ZIC1: variants seen among roughly 807,000 people sequenced by gnomAD.
ZIC1 encodes zinc finger protein ZIC 1.
Under a neutral mutation model 30.9 loss-of-function variants are expected in ZIC1, and 4 were observed. The ratio of observed to expected loss-of-function variants is 0.13; its 90% confidence interval spans 0.06 to 0.30. The LOEUF (loss-of-function observed/expected upper bound fraction) is 0.30. Among genes scored for constraint, ZIC1 ranks in the 10% least tolerant of loss-of-function variants. The pLI is 1.00. For missense variants in ZIC1, 441 were observed against 639.3 expected, an observed-to-expected ratio of 0.69 and a Z score of 3.34; for synonymous variants, 305 against 277.5, an observed-to-expected ratio of 1.10 and a Z score of -0.98.
At position 147,409,940 on chromosome 3, in the gene ZIC1, G is replaced by A. The variant is rs1460461735; in HGVS notation, c.-173G>A. 8.7e-6 allele frequency: 6 copies of A among 690,902 alleles called. No homozygotes were observed. The highest frequency in any genetic ancestry group is 1.3e-5 in the Non-Finnish European group (6 of 456,068). 42.8% of individuals were successfully genotyped at this position (690,902 alleles called of 1,614,324 possible). ...GGCCCGGCCAGCGCCCGGGCGCGCC[G>A]CGCCATTGCCTGCAGGCTAGGACTT... On this transcript the variant is annotated 5_prime_UTR_variant, in exon 1 of 3. Coordinates refer to ENST00000282928, the MANE Select transcript of ZIC1 (RefSeq NM_003412.4).
rs566873753 is a variant in ZIC1 at position 147,412,669 on chromosome 3, C to T, written c.1134C>T (p.Arg378=). Residue 378 remains arginine (R), a synonymous_variant, in exon 2 of 3, where the codon CGC becomes CGT. Transcript: ENST00000282928. The stretch of plus-strand genomic sequence containing the variant: ...CCTACACGCATCCCAGTTCGCTGCG[C>T]AAACACATGAAGGTAATCGCCGCAC... ...DKSYTHPSSL[R]KHMKVHESSS... The T allele has an allele frequency of 6.2e-7, 1 of 1,613,282 alleles. No homozygotes were observed. The highest frequency in any genetic ancestry group is 1.3e-5 in the African/African-American group (1 of 74,922).
rs1318260520 is a variant in ZIC1, at chr3:147,410,967, C to G, written c.855C>G (p.Ala285=). ...CGCGCGAGGGCAAGCCCTTCAAAGC[C>G]AAATACAAACTGGTTAACCACATCC... ...ECPREGKPFK[A]KYKLVNHIRV... The change falls in exon 1 of 3, where the codon GCC becomes GCG. Residue 285 remains alanine (A), a synonymous_variant. Transcript: ENST00000282928. 28 of 1,614,122 alleles carry G rather than the reference C, an allele frequency of 1.7e-5. 1 individual carries two copies. In the Admixed American group the frequency reaches 4.7e-4, roughly 27 times the overall value.
chr3:147,409,931 G>T lies in ZIC1; in HGVS notation c.-182G>T. On this transcript the variant is annotated 5_prime_UTR_variant, in exon 1 of 3. Transcript: ENST00000282928. ...TTTGCGTTTGGCCCGGCCAGCGCCC[G>T]GGCGCGCCGCGCCATTGCCTGCAGG... The T allele has an allele frequency of 1.6e-6, 1 of 637,896 alleles. No homozygotes were observed. The highest frequency in any genetic ancestry group is 2.4e-6 in the Non-Finnish European group (1 of 408,612). The allele number at this position is 637,896 out of a possible 1,614,324, so 39.5% of individuals were successfully genotyped here.
rs1301618420 is a variant in ZIC1 at position 147,410,058 on chromosome 3, G to C, written c.-55G>C. 8 of 1,417,732 alleles carry C rather than the reference G, an allele frequency of 5.6e-6. No individual in the cohort carries two copies. In the Admixed American group the frequency reaches 1.2e-4, roughly 21 times the overall value. 87.8% of individuals were successfully genotyped at this position (1,417,732 alleles called of 1,614,324 possible). On this transcript the variant is annotated 5_prime_UTR_variant, in exon 1 of 3. Transcript: ENST00000282928. Reference sequence around the variant, plus strand: ...CTCCTCCTCCCGATTTTCCCTCCTCGGCTGGCGAGGGTGGGGGGGGCGGGG... The same window carrying C: ...CTCCTCCTCCCGATTTTCCCTCCTCCGCTGGCGAGGGTGGGGGGGGCGGGG...
At position 147,410,418 on chromosome 3, in the gene ZIC1, C is replaced by G. The variant is rs775192480; in HGVS notation, c.306C>G (p.Phe102Leu). 3 of 1,603,394 alleles carry G rather than the reference C, an allele frequency of 1.9e-6. No homozygotes were observed. The African/African-American group carries it at 4.0e-5, about 21-fold the overall frequency. The change falls in exon 1 of 3, where the codon TTC becomes TTG. Residue 102 changes from phenylalanine to leucine, a missense_variant. Physicochemically the swap from Phe to Leu is conservative, Grantham distance 22 (BLOSUM62 0). Around this residue, in one of 5 missense-constraint regions of ZIC1, gnomAD observed 307 missense variants for 355.3 expected, o/e 0.86. Coordinates refer to ENST00000282928, the MANE Select transcript of ZIC1 (RefSeq NM_003412.4). ...TCAACTCCACGCGGGACTTTCTGTT[C>G]CGCAACCGGGGTTTTGGCGACGCGG... ...AAFNSTRDFL[F>L]RNRGFGDAAA...
At chr3:147,412,433 A>AT (rs1054358075) in intron 1 of ZIC1, 85 bp from the exon 2 acceptor site, 111 of 1,537,306 alleles carry the variant, frequency 7.2e-5, no homozygotes, top group Admixed American at 1.2e-4. Context: ...TTTTTGTTTT[A>AT]TTTTTTTTCT....
At position 147,413,834 on chromosome 3, in the gene ZIC1, A is replaced by G. The variant is rs2087405844; in HGVS notation, c.*283A>G. The G allele has an allele frequency of 3.4e-6, 1 of 295,740 alleles. No individual in the cohort carries two copies. Among genetic ancestry groups the G allele is most frequent in the Non-Finnish European group, 6.2e-6 (1 of 161,930 alleles). 18.3% of individuals were successfully genotyped at this position (295,740 alleles called of 1,614,324 possible). On this transcript the variant is annotated 3_prime_UTR_variant, in exon 3 of 3. Transcript: ENST00000282928. ...GGAGGCCACCTGACCAAATGCCGCCAACCCCGAGGGCCAGTTTCTTGTCGA... is the reference window on the plus strand; with the variant it reads ...GGAGGCCACCTGACCAAATGCCGCCGACCCCGAGGGCCAGTTTCTTGTCGA...
At chr3:147,412,837 CG>C (rs1161050673) in intron 2 of ZIC1, among the ~76,000 whole-genome samples, 156 bp downstream of exon 2, 1 of 152,054 alleles carries the variant, frequency 6.6e-6, no homozygotes, top group African/African-American at 2.4e-5. Flanking sequence ...GAAGGTAGGG[CG>C]GGACCTGGAA....
In ZIC1 at chr3:147,415,332, G is replaced by A. The variant is rs2087424682; in HGVS notation, c.*1781G>A. ...GCATTGATACAGTAAATTTGTAAAT[G>A]AGGAGACAATATAAAAAATCTAAAT... On this transcript the variant is annotated 3_prime_UTR_variant, in exon 3 of 3. Coordinates refer to ENST00000282928, the MANE Select transcript of ZIC1 (RefSeq NM_003412.4). The A allele has an allele frequency of 6.6e-6, 1 of 152,612 alleles. No individual in the cohort carries two copies. The highest frequency in any genetic ancestry group is 2.4e-5 in the African/African-American group (1 of 41,446). 9.5% of individuals were successfully genotyped at this position (152,612 alleles called of 1,614,324 possible).
chr3:147,410,705 G>A lies in ZIC1; in HGVS notation c.593G>A (p.Gly198Glu), dbSNP rs1449176472. The change falls in exon 1 of 3, where the codon GGG becomes GAG. Residue 198 changes from glycine to glutamate, a missense_variant. By Grantham distance (98) the Gly-to-Glu change is moderately conservative. This residue lies in a region of ZIC1 where 307 missense variants were observed against 355.3 expected (regional missense o/e 0.86). Coordinates refer to ENST00000282928, the MANE Select transcript of ZIC1 (RefSeq NM_003412.4). Reference sequence around the variant, plus strand: ...GCTGCGCCGCAGCTGCACGGCTACGGGCCCATGAACGTGAACATGGCCGCG... The same window carrying A: ...GCTGCGCCGCAGCTGCACGGCTACGAGCCCATGAACGTGAACATGGCCGCG... ...HYAAPQLHGY[G>E]PMNVNMAAHH... 3 of 1,613,860 alleles carry A rather than the reference G, an allele frequency of 1.9e-6. No homozygotes were observed. The highest frequency in any genetic ancestry group is 1.3e-5 in the African/African-American group (1 of 74,938).
In ZIC1 at chr3:147,410,441, C is replaced by G; in HGVS notation, c.329C>G (p.Ala110Gly). Reference sequence around the variant, plus strand: ...TTCCGCAACCGGGGTTTTGGCGACGCGGCGGCGGCAGCCAGCGCACAGCAC... The same window carrying G: ...TTCCGCAACCGGGGTTTTGGCGACGGGGCGGCGGCAGCCAGCGCACAGCAC... Reference protein sequence around the residue: ...FLFRNRGFGDAAAAASAQHSL... With the variant: ...FLFRNRGFGDGAAAASAQHSL... Residue 110 changes from alanine to glycine, a missense_variant, in exon 1 of 3, where the codon GCG (alanine) becomes GGG (glycine). Ala to Gly is a moderately conservative substitution (Grantham distance 60). Around this residue, in one of 5 missense-constraint regions of ZIC1, gnomAD observed 307 missense variants for 355.3 expected, o/e 0.86. Coordinates refer to ENST00000282928, the MANE Select transcript of ZIC1 (RefSeq NM_003412.4). The G allele has an allele frequency of 6.2e-7, 1 of 1,603,274 alleles. No individual in the cohort carries two copies. Among genetic ancestry groups the G allele is most frequent in the Non-Finnish European group, 8.5e-7 (1 of 1,179,462 alleles).
intron 1 of ZIC1, 68 bp downstream of exon 1, chr3:147,411,162 G>A: frequency 6.5e-7 from 1 of 1,537,442 alleles, no homozygotes; most frequent in Non-Finnish European, 8.7e-7. Flanking sequence ...GAAAGTCAGC[G>A]GCCAGGTCGC....
chr3:147,414,062 G>C lies in ZIC1; in HGVS notation c.*511G>C, dbSNP rs2087410195. ...TGGGCGGGGGGAGGGGGAGGGGGAG[G>C]GGTGGGCGGCCGAAAGCCAACTGTT... On this transcript the variant is annotated 3_prime_UTR_variant, in exon 3 of 3. Coordinates refer to ENST00000282928, the MANE Select transcript of ZIC1 (RefSeq NM_003412.4). 1 of 139,774 alleles carries C rather than the reference G, an allele frequency of 7.2e-6. No homozygotes were observed. The highest frequency in any genetic ancestry group is 2.6e-5 in the African/African-American group (1 of 38,234). 8.7% of individuals were successfully genotyped at this position (139,774 alleles called of 1,614,324 possible).
rs1039206065 is a variant in ZIC1 at position 147,415,072 on chromosome 3, T to C, written c.*1521T>C. On this transcript the variant is annotated 3_prime_UTR_variant, in exon 3 of 3. Coordinates refer to ENST00000282928, the MANE Select transcript of ZIC1 (RefSeq NM_003412.4). ...ATGTCGATGCATGCTTTTCCAGGCC[T>C]TCCTTCTTTGTACAAAAGTAAATGT... The C allele has an allele frequency of 3.3e-5, 5 of 152,662 alleles. No homozygotes were observed. Among genetic ancestry groups the C allele is most frequent in the Non-Finnish European group, 7.3e-5 (5 of 68,038 alleles). The allele number at this position is 152,662 out of a possible 1,614,324, so 9.5% of individuals were successfully genotyped here. A position where few individuals can be genotyped will look rare whatever the true frequency, so the allele number is the denominator to read the frequency against.
rs745325418 is a variant in ZIC1, at chr3:147,410,299, G to T, written c.187G>T (p.Ala63Ser). The change falls in exon 1 of 3, where the codon GCC becomes TCC. Residue 63 changes from alanine to serine, a missense_variant. Coordinates refer to ENST00000282928, the MANE Select transcript of ZIC1 (RefSeq NM_003412.4). The part of the protein sequence containing the change: ...SHELASAGQT[A>S]FTSQAPGYAA... ...CGAGCTGGCTTCGGCCGGCCAGACGGCCTTCACGTCGCAGGCGCCAGGCTA... is the reference window on the plus strand; with the variant it reads ...CGAGCTGGCTTCGGCCGGCCAGACGTCCTTCACGTCGCAGGCGCCAGGCTA... 3.5e-5 allele frequency: 56 copies of T among 1,599,992 alleles called. No homozygotes were observed. In the Admixed American group the frequency reaches 9.3e-4, roughly 27 times the overall value.
Position 147,410,370 on chromosome 3 carries a change from C to T in ZIC1, c.258C>T (p.Val86=), listed in dbSNP as rs1436827179. The change falls in exon 1 of 3, where the codon GTC becomes GTT. Residue 86 remains valine, a synonymous_variant. Transcript: ENST00000282928. ...GCCATCACCATCACCCGGGCCACGT[C>T]GGCTCCTATTCCAGCGCAGCCTTCA... ...ALGHHHHPGH[V]GSYSSAAFNS... is the part of the protein sequence containing the mutation. The T allele has an allele frequency of 6.2e-7, 1 of 1,601,594 alleles. No individual in the cohort carries two copies. Among genetic ancestry groups the T allele is most frequent in the Non-Finnish European group, 8.5e-7 (1 of 1,179,596 alleles).
rs1255180892 is a variant in ZIC1 at position 147,413,864 on chromosome 3, G to A, written c.*313G>A. The A allele has an allele frequency of 4.0e-6, 1 of 251,582 alleles. No homozygotes were observed. Among genetic ancestry groups the A allele is most frequent in the African/African-American group, 2.2e-5 (1 of 44,754 alleles). The allele number at this position is 251,582 out of a possible 1,614,324, so 15.6% of individuals were successfully genotyped here. On this transcript the variant is annotated 3_prime_UTR_variant, in exon 3 of 3. Transcript: ENST00000282928. ...CGAGGGCCAGTTTCTTGTCGAATTG[G>A]TACGGGCTCTCTGGGGCTTCGGCTT... is the stretch of plus-strand genomic sequence containing the variant.
chr3:147,412,851 G>A (rs569912496), intron 2 of ZIC1, among the ~76,000 whole-genome samples, 170 bp downstream of exon 2: 1 of 152,332 alleles, frequency 6.6e-6, no homozygotes, highest in East Asian at 1.9e-4. Context: ...ACCTGGAAAA[G>A]GGGATGGGAG....
Position 147,409,876 on chromosome 3 carries a change from G to C in ZIC1, c.-237G>C, listed in dbSNP as rs2087347884. On this transcript the variant is annotated 5_prime_UTR_variant, in exon 1 of 3. Coordinates refer to ENST00000282928, the MANE Select transcript of ZIC1 (RefSeq NM_003412.4). ...CTGCCTGGCGGGCGCTGGAGCCTGC[G>C]TTACTCGCGGCCCGCAGCCGTCCGG... 3.9e-6 allele frequency: 2 copies of C among 510,562 alleles called. No homozygotes were observed. The highest frequency in any genetic ancestry group is 6.9e-5 in the East Asian group (2 of 28,826). The allele number at this position is 510,562 out of a possible 1,614,324, so 31.6% of individuals were successfully genotyped here.
Sources: gnomAD v4.1 joint callset for allele counts (sites outside exome capture counted in the v4.1 genomes callset) on GRCh38, gnomAD v4.1.1 for gene constraint, gnomAD v4.1.1 regional missense constraint, MANE v1.5 for transcripts, NCBI Gene and HGNC (gene_info 2026-07-23, HGNC 2026-07-21) for gene names.